Variants in CHRNA3 observed in about 807,000 individuals in gnomAD.
CHRNA3 encodes neuronal acetylcholine receptor subunit alpha-3.
In CHRNA3, 34 loss-of-function variants were observed where a neutral mutation model predicts 41.9. The ratio of observed to expected loss-of-function variants is 0.81; its 90% CI spans 0.62 to 1.08. CHRNA3 has a LOEUF of 1.08. CHRNA3 is among the 50% of genes least tolerant of loss of function. The pLI is 0.00. For missense variants in CHRNA3, 542 were observed against 638.3 expected (o/e 0.85, Z 1.63); for synonymous variants, 281 against 265.2 (o/e 1.06, Z -0.58).
intron 5 of CHRNA3, among the ~76,000 whole-genome samples, chr15:78,597,652 G>A (rs1053737419): frequency 6.6e-6 from 1 of 152,112 alleles, no homozygotes; most frequent in Non-Finnish European, 1.5e-5. Context: ...TAAAGTAAAA[G>A]ATGGGAGAAA....
chr15:78,613,452 C>T (rs895550726), intron 4 of CHRNA3, among the ~76,000 whole-genome samples: 8 of 151,374 alleles, frequency 5.3e-5, no homozygotes, highest in African/African-American at 1.9e-4. Flanking sequence ...CCATCATTCT[C>T]AGCAAACTAT....
chr15:78,595,654 A>G lies in CHRNA3; in HGVS notation c.*950T>C, dbSNP rs2053093778. On this transcript the variant is annotated 3_prime_UTR_variant, in exon 6 of 6. Coordinates refer to ENST00000326828, the MANE Select transcript of CHRNA3 (RefSeq NM_000743.5). ...TATTTATCCAGCCCAAAATGTCCAT[A>G]GTGCTAAGGCTGAGAAACCCTGTTC... is the stretch of plus-strand genomic sequence containing the variant. 6.5e-6 allele frequency: 1 copy of G among 152,746 alleles called. No homozygotes were observed. Among genetic ancestry groups the G allele is most frequent in the African/African-American group, 2.4e-5 (1 of 41,458 alleles). 9.5% of individuals were successfully genotyped at this position (152,746 alleles called of 1,614,324 possible).
chr15:78,595,975 G>A lies in CHRNA3; in HGVS notation c.*629C>T, dbSNP rs2141318013. ...ACCTCCCAACCTCCAAAACTGAGAA[G>A]TTTCTGTTGTTTATAATCCACCCAG... On this transcript the variant is annotated 3_prime_UTR_variant, in exon 6 of 6. Coordinates refer to ENST00000326828, the MANE Select transcript of CHRNA3 (RefSeq NM_000743.5). 1.1e-6 allele frequency: 1 copy of A among 875,300 alleles called. No homozygotes were observed. Among genetic ancestry groups the A allele is most frequent in the Non-Finnish European group, 1.4e-6 (1 of 730,500 alleles). 54.2% of individuals were successfully genotyped at this position (875,300 alleles called of 1,614,324 possible). A position where few individuals can be genotyped will look rare whatever the true frequency, so the allele number is the denominator to read the frequency against.
At chr15:78,618,753 G>A (rs1193013356) in intron 2 of CHRNA3, 23 bp downstream of exon 2, 3 of 1,614,058 alleles carry the variant, frequency 1.9e-6, no homozygotes, top group South Asian at 1.1e-5. Flanking sequence ...CCATGGCCAC[G>A]GCTCGTGGCT....
intron 4 of CHRNA3, among the ~76,000 whole-genome samples, chr15:78,605,759 G>T (rs554397055): frequency 2.0e-5 from 3 of 152,128 alleles, no homozygotes; most frequent in Non-Finnish European, 4.4e-5. Context: ...ACTCAACAGG[G>T]TAAGAAGTGG....
At chr15:78,608,626 G>A (rs935673299) in intron 4 of CHRNA3, among the ~76,000 whole-genome samples, 5 of 151,026 alleles carry the variant, frequency 3.3e-5, no homozygotes, top group African/African-American at 1.2e-4. Flanking sequence ...CCACAAAGAT[G>A]GGGAAAAAAC....
Position 78,601,514 on chromosome 15 carries a change from C to A in CHRNA3, c.1128G>T (p.Glu376Asp). 1 of 1,614,166 alleles carries A rather than the reference C, an allele frequency of 6.2e-7. No homozygotes were observed. Among genetic ancestry groups the A allele is most frequent in the Non-Finnish European group, 8.5e-7 (1 of 1,180,030 alleles). ...GGCTGAAGCAATTCAGATTTGAGAG[C>A]TCGGCACCGTAGAGGGGCCTCGGCT... ...AQKPRPLYGA[E>D]LSNLNCFSRA... is the part of the protein sequence containing the mutation. The change falls in exon 5 of 6, where the codon GAG (glutamate) becomes GAT (aspartate). Residue 376 changes from glutamate (E) to aspartate (D), a missense_variant. Glu to Asp is a conservative substitution (Grantham distance 45). Transcript: ENST00000326828.
In CHRNA3 at chr15:78,595,311, C is replaced by CA; in HGVS notation, c.*1292dup. On this transcript the variant is annotated 3_prime_UTR_variant, in exon 6 of 6. Coordinates refer to ENST00000326828, the MANE Select transcript of CHRNA3 (RefSeq NM_000743.5). ...TTGAAACATGAGTCACAGCGGGCTG[C>CA]AATTCTGTCCATTTTATTTTTGCAC... The CA allele has an allele frequency of 1.0e-6, 1 of 985,246 alleles. No individual in the cohort carries two copies. The highest frequency in any genetic ancestry group is 1.7e-5 in the African/African-American group (1 of 57,296). 61.0% of individuals were successfully genotyped at this position (985,246 alleles called of 1,614,324 possible). A position where few individuals can be genotyped will look rare whatever the true frequency, so the allele number is the denominator to read the frequency against.
intron 4 of CHRNA3, among the ~76,000 whole-genome samples, chr15:78,605,477 C>G (rs2053269349): frequency 6.6e-6 from 1 of 151,870 alleles, no homozygotes; most frequent in South Asian, 2.1e-4. Context: ...GTGCCAGACA[C>G]AGGAATCTCC....
intron 4 of CHRNA3, among the ~76,000 whole-genome samples, chr15:78,610,753 C>CA (rs978085418): frequency 6.6e-6 from 1 of 151,458 alleles, no homozygotes; most frequent in African/African-American, 2.4e-5. Context: ...AATAGAGACA[C>CA]AAAAAACCCT....
chr15:78,595,399 C>T lies in CHRNA3; in HGVS notation c.*1205G>A, dbSNP rs2053087767. ...TGAATCATCTGTCAGTGGTGATGAT[C>T]ACGTTAAGTTTCAGAAGTGTAGTAC... On this transcript the variant is annotated 3_prime_UTR_variant, in exon 6 of 6. Coordinates refer to ENST00000326828, the MANE Select transcript of CHRNA3 (RefSeq NM_000743.5). 7.1e-6 allele frequency: 7 copies of T among 984,844 alleles called. No homozygotes were observed. Among genetic ancestry groups the T allele is most frequent in the Non-Finnish European group, 7.2e-6 (6 of 829,450 alleles). 61.0% of individuals were successfully genotyped at this position (984,844 alleles called of 1,614,324 possible).
In CHRNA3 at chr15:78,595,495, T is replaced by G. The variant is rs2053090639; in HGVS notation, c.*1109A>C. The G allele has an allele frequency of 4.5e-6, 3 of 670,208 alleles. No individual in the cohort carries two copies. Among genetic ancestry groups the G allele is most frequent in the African/African-American group, 2.0e-5 (1 of 50,774 alleles). 41.5% of individuals were successfully genotyped at this position (670,208 alleles called of 1,614,324 possible). A position where few individuals can be genotyped will look rare whatever the true frequency, so the allele number is the denominator to read the frequency against. On this transcript the variant is annotated 3_prime_UTR_variant, in exon 6 of 6. Transcript: ENST00000326828. ...GGCAATTTTGCTCCTAAGGGAACAT[T>G]TAACAATGGAGACATTCTTGGTTAT...
intron 5 of CHRNA3, 26 bp from the exon 6 acceptor site, chr15:78,596,758 A>G (rs201718678): frequency 1.4e-4 from 215 of 1,589,014 alleles, no homozygotes; most frequent in Non-Finnish European, 1.8e-4. Flanking sequence ...ATAAAAGAAA[A>G]AAAACATGGA....
At chr15:78,613,608 A>G (rs1176632105) in intron 4 of CHRNA3, among the ~76,000 whole-genome samples, 1 of 151,128 alleles carries the variant, frequency 6.6e-6, no homozygotes, top group East Asian at 1.9e-4. Context: ...ATTAGGAGAT[A>G]TACCTAATGC....
Position 78,620,980 on chromosome 15 carries a change from C to A in CHRNA3, c.-186G>T. ...CAGCGCCCTCGGACCCGCGGGAGGA[C>A]AGGAACCATCCGGAGTGAAGCTGCG... On this transcript the variant is annotated 5_prime_UTR_variant, in exon 1 of 6. Coordinates refer to ENST00000326828, the MANE Select transcript of CHRNA3 (RefSeq NM_000743.5). 1.4e-6 allele frequency: 1 copy of A among 727,160 alleles called. No individual in the cohort carries two copies. The highest frequency in any genetic ancestry group is 1.9e-6 in the Non-Finnish European group (1 of 538,878). The allele number at this position is 727,160 out of a possible 1,614,324, so 45.0% of individuals were successfully genotyped here. A position where few individuals can be genotyped will look rare whatever the true frequency, so the allele number is the denominator to read the frequency against.
intron 1 of CHRNA3, chr15:78,620,150 C>T (rs1465172323): frequency 2.6e-5 from 4 of 152,520 alleles, no homozygotes; most frequent in African/African-American, 9.6e-5. Flanking sequence ...ACAGGAGGCG[C>T]TCTCCCGGTG....
Position 78,617,067 on chromosome 15 carries a change from G to T in CHRNA3, c.334C>A (p.Pro112Thr), listed in dbSNP as rs972546811. ...TCTGGCTTCCAGATCTTCTGTGCAG[G>T]GACACGCATGAACTCTGCCCCACCA... ...DYGGAEFMRV[P>T]AQKIWKPDIV... The change falls in exon 4 of 6, where the codon CCT becomes ACT. Residue 112 changes from proline (P) to threonine (T), a missense_variant. Coordinates refer to ENST00000326828, the MANE Select transcript of CHRNA3 (RefSeq NM_000743.5). The T allele has an allele frequency of 6.2e-7, 1 of 1,613,866 alleles. No homozygotes were observed. The highest frequency in any genetic ancestry group is 1.7e-5 in the Admixed American group (1 of 59,996).
chr15:78,602,040 T>G lies in CHRNA3; in HGVS notation c.602A>C (p.Tyr201Ser). 2 of 1,613,986 alleles carry G rather than the reference T, an allele frequency of 1.2e-6. No homozygotes were observed. Among genetic ancestry groups the G allele is most frequent in the Non-Finnish European group, 1.7e-6 (2 of 1,179,864 alleles). ...GATGGCCCACTCGCCGCTCTCCCAA[T>G]AGTCCTTGAGGTTCATGGAAGAGCC... is the stretch of plus-strand genomic sequence containing the variant. ...LIGSSMNLKD[Y>S]WESGEWAIIK... Residue 201 changes from tyrosine (Y) to serine (S), a missense_variant, in exon 5 of 6, where the codon TAT (tyrosine) becomes TCT (serine). By Grantham distance (144) the Tyr-to-Ser change is moderately radical. Transcript: ENST00000326828.
chr15:78,614,626 A>G (rs975889664), intron 4 of CHRNA3, among the ~76,000 whole-genome samples: 1 of 152,254 alleles, frequency 6.6e-6, no homozygotes, highest in Non-Finnish European at 1.5e-5. Flanking sequence ...TTGTACTAAT[A>G]TGGCATAAAA....
Sources: gnomAD v4.1 joint callset for allele counts (sites outside exome capture counted in the v4.1 genomes callset) on GRCh38, gnomAD v4.1.1 for gene constraint, MANE v1.5 for transcripts, NCBI Gene and HGNC (gene_info 2026-07-23, HGNC 2026-07-21) for gene names.